Variants in DLG2 observed in about 807,000 individuals in gnomAD.
The protein encoded by DLG2 is disks large homolog 2.
In DLG2, 45 loss-of-function variants were observed where a neutral mutation model predicts 132.5. The observed-to-expected ratio is 0.34, with a 90% CI of 0.27 to 0.44. The LOEUF (loss-of-function observed/expected upper bound fraction) is 0.44, where lower values mean the gene tolerates loss of function less well. Among genes scored for constraint, DLG2 ranks in the 20% least tolerant of loss-of-function variants. DLG2 has a pLI of 1.00. For missense variants in DLG2, 1,045 were observed against 1,196.9 expected (o/e 0.87, Z 1.87); for synonymous variants, 424 against 419.6 (o/e 1.01, Z -0.13).
chr11:85,412,193 G>C (rs1024679719), intron 3 of DLG2, among the ~76,000 whole-genome samples: 1 of 151,808 alleles, frequency 6.6e-6, no homozygotes, highest in Non-Finnish European at 1.5e-5. Flanking sequence ...TGAAGGAAAT[G>C]ATTTTTGTTC....
At chr11:84,684,311 C>A (rs1307188804) in intron 6 of DLG2, among the ~76,000 whole-genome samples, 3 of 152,194 alleles carry the variant, frequency 2.0e-5, no homozygotes, top group South Asian at 4.2e-4. Context: ...ATCATCTGCA[C>A]CCAGCTTGCT....
chr11:84,712,864 G>C (rs2060601630), intron 6 of DLG2, among the ~76,000 whole-genome samples: 1 of 152,094 alleles, frequency 6.6e-6, no homozygotes, highest in Non-Finnish European at 1.5e-5. Flanking sequence ...TAGAGGTCAT[G>C]ACGTAGAAAG....
At chr11:85,482,630 C>G (rs1037215718) in intron 3 of DLG2, among the ~76,000 whole-genome samples, 36 of 152,132 alleles carry the variant, frequency 2.4e-4, no homozygotes, top group African/African-American at 8.7e-4. Context: ...GCTCCAGACC[C>G]AAAGATCCCA....
chr11:84,710,643 A>G (rs968531461), intron 6 of DLG2, among the ~76,000 whole-genome samples: 1 of 151,944 alleles, frequency 6.6e-6, no homozygotes, highest in African/African-American at 2.4e-5. Flanking sequence ...AGGCTGTTAC[A>G]GTGCACTGGA....
At chr11:84,629,342 T>A (rs1565498186) in intron 6 of DLG2, among the ~76,000 whole-genome samples, 1 of 152,186 alleles carries the variant, frequency 6.6e-6, no homozygotes, top group Admixed American at 6.5e-5. Context: ...CCTTTGTTCC[T>A]TTTTTTGTTG....
intron 6 of DLG2, among the ~76,000 whole-genome samples, chr11:84,699,381 A>C (rs539809205): frequency 6.7e-4 from 102 of 151,682 alleles, no homozygotes; most frequent in African/African-American, 2.4e-3. Flanking sequence ...GTTGGCTTTA[A>C]TTTAACTAAT....
intron 18 of DLG2, among the ~76,000 whole-genome samples, chr11:83,648,324 G>C (rs575603278): frequency 2.0e-5 from 3 of 152,162 alleles, no homozygotes; most frequent in Admixed American, 6.6e-5. Context: ...TAGACTAGAA[G>C]ACTAGGTGTA....
At chr11:85,082,486 T>C (rs892363709) in intron 6 of DLG2, among the ~76,000 whole-genome samples, 1 of 151,880 alleles carries the variant, frequency 6.6e-6, no homozygotes, top group African/African-American at 2.4e-5. Context: ...GTGAGAAGAA[T>C]CTCCCCATGA....
chr11:84,069,070 A>G (rs1297021357), intron 10 of DLG2, among the ~76,000 whole-genome samples: 4 of 152,156 alleles, frequency 2.6e-5, no homozygotes, highest in African/African-American at 9.7e-5. Context: ...CACTTTGGGG[A>G]GGGCTTGTTA....
At chr11:84,184,748 T>G (rs2096240682) in intron 8 of DLG2, among the ~76,000 whole-genome samples, 1 of 152,016 alleles carries the variant, frequency 6.6e-6, no homozygotes, top group African/African-American at 2.4e-5. Context: ...GATTTTTGTA[T>G]AAGGTGTAAG....
chr11:84,171,904 T>G (rs1422115635), intron 8 of DLG2, among the ~76,000 whole-genome samples: 2 of 152,144 alleles, frequency 1.3e-5, no homozygotes, highest in Non-Finnish European at 2.9e-5. Flanking sequence ...TCACCACCTT[T>G]AACTAATGTC....
intron 7 of DLG2, among the ~76,000 whole-genome samples, chr11:84,529,670 T>G (rs2099330538): frequency 6.6e-6 from 1 of 152,220 alleles, no homozygotes; most frequent in Non-Finnish European, 1.5e-5. Context: ...GAAAACATTC[T>G]GTGCTCATGG....
intron 7 of DLG2, among the ~76,000 whole-genome samples, chr11:84,374,511 T>C (rs1053830582): frequency 3.3e-5 from 5 of 152,172 alleles, no homozygotes; most frequent in Non-Finnish European, 7.4e-5. Context: ...TCAGCTGTCA[T>C]TAATGTTAGT....
intron 7 of DLG2, among the ~76,000 whole-genome samples, chr11:84,418,942 T>C (rs1431707782): frequency 3.3e-5 from 5 of 152,200 alleles, no homozygotes; most frequent in East Asian, 3.9e-4. Context: ...CCCTCTTTAG[T>C]ATATGCAAAA....
intron 19 of DLG2, among the ~76,000 whole-genome samples, chr11:83,620,663 G>A (rs1454123121): frequency 6.6e-6 from 1 of 151,738 alleles, no homozygotes; most frequent in South Asian, 2.1e-4. Context: ...GAGGTCAGGA[G>A]ATCGAGACCA....
intron 18 of DLG2, among the ~76,000 whole-genome samples, chr11:83,729,009 T>C (rs907367337): frequency 6.6e-6 from 1 of 152,226 alleles, no homozygotes; most frequent in Non-Finnish European, 1.5e-5. Flanking sequence ...TAAGCATTGT[T>C]ACTTCCACTA....
intron 4 of DLG2, among the ~76,000 whole-genome samples, chr11:85,246,104 C>A (rs2076122081): frequency 6.6e-6 from 1 of 151,814 alleles, no homozygotes; most frequent in African/African-American, 2.4e-5. Context: ...GTCTATAGCA[C>A]CATGATCCTA....
At chr11:84,691,011 C>G (rs184490008) in intron 6 of DLG2, among the ~76,000 whole-genome samples, 2 of 151,926 alleles carry the variant, frequency 1.3e-5, no homozygotes, top group Admixed American at 1.3e-4. Context: ...TAATGGTCCA[C>G]AGAACAGTTT....
At position 84,436,236 on chromosome 11, in the gene DLG2, T is replaced by C. The variant is rs79710110; in HGVS notation, c.519+98334A>G. On this transcript the variant is annotated intron_variant, in intron 7 of 27. Coordinates refer to ENST00000376104, the MANE Select transcript of DLG2 (RefSeq NM_001142699.3). ...TAACAAGTCAGTTACGTTCTAAAAT[T>C]GTCAGATCTGGACATTATAAGAGGC... Among the ~76,000 whole-genome samples, 52 of 152,252 alleles carry C rather than the reference T, an allele frequency of 3.4e-4. 1 individual carries two copies. The East Asian group carries it at 9.9e-3, about 29-fold the overall frequency.
Sources: allele counts gnomAD v4.1 joint callset (sites outside exome capture counted in the v4.1 genomes callset), GRCh38; gene constraint gnomAD v4.1.1; transcripts MANE v1.5; gene names NCBI Gene and HGNC (gene_info 2026-07-23, HGNC 2026-07-21).